MDGA2: variants seen among roughly 807,000 people sequenced by gnomAD.
The protein encoded by MDGA2 is MAM domain containing glycosylphosphatidylinositol anchor 2, also known as MAM domain-containing glycosylphosphatidylinositol anchor protein 2.
Under a neutral mutation model 117.8 loss-of-function variants are expected in MDGA2, and 40 were observed. The ratio of observed to expected loss-of-function variants is 0.34; its 90% confidence interval spans 0.26 to 0.44. MDGA2 has a LOEUF of 0.44. Ranked by LOEUF, MDGA2 falls within the 20% of genes least tolerant of loss-of-function variation. The pLI is 1.00. For missense variants in MDGA2, 1,123 were observed against 1,250.6 expected, an observed-to-expected ratio of 0.90 and a Z score of 1.54; for synonymous variants, 452 against 439.0, an observed-to-expected ratio of 1.03 and a Z score of -0.37.
chr14:46,962,898 T>A (rs1172094855), intron 8 of MDGA2, among the ~76,000 whole-genome samples: 1 of 152,092 alleles, frequency 6.6e-6, no homozygotes, highest in Non-Finnish European at 1.5e-5. Context: ...TCATAAACAA[T>A]CAGTGAGATG....
intron 1 of MDGA2, among the ~76,000 whole-genome samples, chr14:47,620,150 T>C (rs144846036): frequency 8.3e-4 from 126 of 152,362 alleles, no homozygotes; most frequent in Middle Eastern, 3.4e-3. Context: ...AGGCATCGAA[T>C]TGATGCTACA....
chr14:47,651,364 G>A (rs916078377), intron 1 of MDGA2, among the ~76,000 whole-genome samples: 2 of 152,038 alleles, frequency 1.3e-5, no homozygotes, highest in African/African-American at 4.8e-5. Flanking sequence ...AGACTCTGAG[G>A]CACGAAAGAA....
rs1008266468 is a variant in MDGA2, at chr14:47,165,600, C to T, written c.596-21326G>A. The stretch of plus-strand genomic sequence containing the variant: ...TCTACAGATCTTAGGGTGGAACTCT[C>T]GAAGGACCCTCAATTGCTTCCATTT... On this transcript the variant is annotated intron_variant, in intron 3 of 16. Coordinates refer to ENST00000399232, the MANE Select transcript of MDGA2 (RefSeq NM_001113498.3). Among the ~76,000 whole-genome samples the T allele has an allele frequency of 3.3e-5, 5 of 152,094 alleles. No homozygotes were observed. In the South Asian group the frequency reaches 8.3e-4, roughly 25 times the overall value.
chr14:47,343,229 T>C, intron 1 of MDGA2: 1 of 1,141,630 alleles, frequency 8.8e-7, no homozygotes, highest in Non-Finnish European at 1.1e-6. Context: ...GTTTGTTTGT[T>C]TTTTTCAGGA....
rs571075963 is a variant in MDGA2, at chr14:47,225,455, T to C, written c.421-7260A>G. ...GACTGGATTAAGAAAATGTGGCACA[T>C]AGACACCACGGAATACTATGCAGCC... On this transcript the variant is annotated intron_variant, in intron 2 of 16. Transcript: ENST00000399232. 3.3e-3 allele frequency among the ~76,000 whole-genome samples: 495 copies of C among 151,922 alleles called. 7 individuals are homozygous for C. The highest frequency in any genetic ancestry group is 0.011 in the African/African-American group (462 of 41,304).
chr14:47,318,117 C>T (rs893788336), intron 1 of MDGA2, among the ~76,000 whole-genome samples: 2 of 147,800 alleles, frequency 1.4e-5, no homozygotes, highest in African/African-American at 2.5e-5. Flanking sequence ...ACTGCAAAAG[C>T]AGTCTGATGG....
At chr14:47,589,941 C>T (rs1257456741) in intron 1 of MDGA2, among the ~76,000 whole-genome samples, 1 of 151,686 alleles carries the variant, frequency 6.6e-6, no homozygotes, top group Admixed American at 6.6e-5. Flanking sequence ...AATGCAATTG[C>T]TTTCTTAATA....
chr14:47,414,737 G>C (rs1293512869), intron 1 of MDGA2, among the ~76,000 whole-genome samples: 5 of 151,916 alleles, frequency 3.3e-5, no homozygotes, highest in Non-Finnish European at 5.9e-5. Flanking sequence ...TTGAACATTT[G>C]ATCATTGTTG....
chr14:47,248,114 C>T (rs750746895), intron 2 of MDGA2, among the ~76,000 whole-genome samples: 6 of 151,356 alleles, frequency 4.0e-5, no homozygotes, highest in Admixed American at 6.6e-5. Context: ...CATATGTGTG[C>T]ATGTGTCTTT....
intron 3 of MDGA2, among the ~76,000 whole-genome samples, chr14:47,201,426 T>C (rs1412271048): frequency 1.3e-5 from 2 of 152,150 alleles, no homozygotes; most frequent in Admixed American, 1.3e-4. Flanking sequence ...GTTCTCCCTT[T>C]TACCTTGGCC....
At chr14:47,068,786 A>G (rs1338469792) in intron 6 of MDGA2, among the ~76,000 whole-genome samples, 1 of 152,204 alleles carries the variant, frequency 6.6e-6, no homozygotes, top group Admixed American at 6.5e-5. Context: ...AAAATAGTAC[A>G]TCCTTAATAT....
In MDGA2 at chr14:47,101,409, C is replaced by T. The variant is rs1221387903; in HGVS notation, c.926-4286G>A. Among the ~76,000 whole-genome samples, 3 of 152,206 alleles carry T rather than the reference C, an allele frequency of 2.0e-5. No homozygotes were observed. In the East Asian group the frequency reaches 5.8e-4, roughly 29 times the overall value. On this transcript the variant is annotated intron_variant, in intron 5 of 16. Transcript: ENST00000399232. The stretch of plus-strand genomic sequence containing the variant: ...TTCTTGGACTGAGCAACAGACACTT[C>T]AGTGGGTCCAAGAGAGGAATAACTG...
At chr14:47,387,246 G>C (rs560798650) in intron 1 of MDGA2, among the ~76,000 whole-genome samples, 2 of 152,070 alleles carry the variant, frequency 1.3e-5, no homozygotes, top group Admixed American at 6.6e-5. Flanking sequence ...TTCAGTTCGC[G>C]AACAGGTTGT....
chr14:46,970,758 T>A (rs1327125226), intron 8 of MDGA2, among the ~76,000 whole-genome samples: 1 of 152,130 alleles, frequency 6.6e-6, no homozygotes, highest in Non-Finnish European at 1.5e-5. Flanking sequence ...ACTGACAACC[T>A]GCTGAATGGG....
Position 46,879,642 on chromosome 14 carries a change from G to A in MDGA2, c.2417-2133C>T, listed in dbSNP as rs556829411. Among the ~76,000 whole-genome samples the A allele has an allele frequency of 1.7e-4, 26 of 152,080 alleles. No individual in the cohort carries two copies. The South Asian group carries it at 5.2e-3, about 30-fold the overall frequency. On this transcript the variant is annotated intron_variant, in intron 11 of 16. Coordinates refer to ENST00000399232, the MANE Select transcript of MDGA2 (RefSeq NM_001113498.3). ...AATTAACTTTTTAAAATCTCTTAAG[G>A]AAAGTCATAATGATCAATTAACTTT... is the stretch of plus-strand genomic sequence containing the variant.
chr14:47,010,507 G>A (rs957079768), intron 8 of MDGA2, among the ~76,000 whole-genome samples: 3 of 151,594 alleles, frequency 2.0e-5, no homozygotes, highest in African/African-American at 7.3e-5. Context: ...CTTTAATTAT[G>A]CCTATTATAA....
At chr14:47,200,143 A>T (rs1034073703) in intron 3 of MDGA2, among the ~76,000 whole-genome samples, 2 of 152,064 alleles carry the variant, frequency 1.3e-5, no homozygotes, top group East Asian at 1.9e-4. Context: ...ATGTGTTTAC[A>T]TATGTATATT....
In MDGA2 at chr14:47,072,110, G is replaced by GC. The variant is rs1555349481; in HGVS notation, c.1196-10533_1196-10532insG. On this transcript the variant is annotated intron_variant, in intron 6 of 16. Transcript: ENST00000399232. ...GTTGGTTGTTGTTGTTTGGGGGGGGGGGGGTTTGCAGGTATTATATGTTGC... is the reference window on the plus strand; with the variant it reads ...GTTGGTTGTTGTTGTTTGGGGGGGGGCGGGGTTTGCAGGTATTATATGTTGC... 7.7e-5 allele frequency among the ~76,000 whole-genome samples: 10 copies of GC among 130,378 alleles called. 1 individual carries two copies. The highest frequency in any genetic ancestry group is 3.1e-4 in the African/African-American group (10 of 32,610). The allele number at this position is 130,378 out of a possible 152,430, so 85.5% of individuals were successfully genotyped here. A position where few individuals can be genotyped will look rare whatever the true frequency, so the allele number is the denominator to read the frequency against.
intron 3 of MDGA2, among the ~76,000 whole-genome samples, chr14:47,147,007 C>G (rs1202153912): frequency 6.6e-6 from 1 of 152,064 alleles, no homozygotes; most frequent in Non-Finnish European, 1.5e-5. Flanking sequence ...TTAGAAATTT[C>G]TAAGTGTTTT....
Sources: allele counts gnomAD v4.1 joint callset (sites outside exome capture counted in the v4.1 genomes callset), GRCh38; gene constraint gnomAD v4.1.1; transcripts MANE v1.5; gene names NCBI Gene and HGNC (gene_info 2026-07-23, HGNC 2026-07-21).